The following TMEM178B variants were observed in gnomAD, a reference collection of about 807,000 sequenced individuals.
The protein encoded by TMEM178B is transmembrane protein 178B.
In TMEM178B, 5 loss-of-function variants were observed where a neutral mutation model predicts 31.0. The ratio of observed to expected loss-of-function variants is 0.16; its 90% CI spans 0.08 to 0.34. The LOEUF is 0.34. TMEM178B is among the 10% of genes least tolerant of loss of function. The pLI, the probability that TMEM178B is intolerant of heterozygous loss-of-function variation, is 1.00. For synonymous variants in TMEM178B, 164 were observed against 164.0 expected (o/e 1.00, Z 0.00); for missense variants, 275 against 400.3 (o/e 0.69, Z 2.67).
intron 2 of TMEM178B, among the ~76,000 whole-genome samples, chr7:141,301,553 A>C (rs1215189498): frequency 6.6e-6 from 1 of 152,184 alleles, no homozygotes; most frequent in African/African-American, 2.4e-5. Flanking sequence ...TGATGGAAAG[A>C]AAGCCAAATG....
At chr7:141,325,065 C>T (rs1799165661) in intron 2 of TMEM178B, among the ~76,000 whole-genome samples, 1 of 152,104 alleles carries the variant, frequency 6.6e-6, no homozygotes, top group Non-Finnish European at 1.5e-5. Flanking sequence ...TACTCCCATG[C>T]TCTTAGTGAT....
chr7:141,075,834 G>C (rs937585290), intron 1 of TMEM178B, among the ~76,000 whole-genome samples: 9 of 152,204 alleles, frequency 5.9e-5, no homozygotes, highest in East Asian at 5.8e-4. Flanking sequence ...TGTGAGGTTT[G>C]CTGCTGTATT....
chr7:141,483,988 G>C (rs147780801), downstream of TMEM178B, among the ~76,000 whole-genome samples: 1 of 152,010 alleles, frequency 6.6e-6, no homozygotes, highest in Non-Finnish European at 1.5e-5. Flanking sequence ...CACACGTCTC[G>C]GCCTCCCAAA....
intron 2 of TMEM178B, among the ~76,000 whole-genome samples, chr7:141,253,978 A>G (rs1250422978): frequency 6.6e-6 from 1 of 152,178 alleles, no homozygotes; most frequent in Non-Finnish European, 1.5e-5. Context: ...TTGGCAAAGG[A>G]AAATGTGCCT....
intron 1 of TMEM178B, among the ~76,000 whole-genome samples, chr7:141,136,546 AG>A (rs1795678024): frequency 6.6e-6 from 1 of 152,246 alleles, no homozygotes; most frequent in African/African-American, 2.4e-5. Context: ...TAAACTAAAA[AG>A]CTTCTGCATG....
intron 2 of TMEM178B, among the ~76,000 whole-genome samples, chr7:141,245,059 C>T (rs1329441911): frequency 6.7e-6 from 1 of 150,164 alleles, no homozygotes; most frequent in Admixed American, 6.6e-5. Context: ...ATTGCTTGAA[C>T]CTGGGAGGCA....
intron 1 of TMEM178B, among the ~76,000 whole-genome samples, chr7:141,195,241 G>A (rs908441018): frequency 2.0e-5 from 3 of 152,150 alleles, no homozygotes; most frequent in African/African-American, 4.8e-5. Context: ...CGCATAGTTA[G>A]GCTGCAAATT....
chr7:141,269,819 C>A (rs546072651), intron 2 of TMEM178B, among the ~76,000 whole-genome samples: 5 of 152,302 alleles, frequency 3.3e-5, no homozygotes, highest in Admixed American at 2.6e-4. Flanking sequence ...AATCCCAGCA[C>A]TTTGGGAGGC....
At chr7:141,103,784 A>G (rs1238895044) in intron 1 of TMEM178B, among the ~76,000 whole-genome samples, 1 of 152,232 alleles carries the variant, frequency 6.6e-6, no homozygotes, top group African/African-American at 2.4e-5. Flanking sequence ...TATTTAAAAC[A>G]CTATTGCTGA....
chr7:141,419,209 C>T (rs1801156342), intron 2 of TMEM178B, among the ~76,000 whole-genome samples: 1 of 152,064 alleles, frequency 6.6e-6, no homozygotes, highest in South Asian at 2.1e-4. Context: ...CGCGGCTGGC[C>T]CCGTCCTTGC....
At chr7:141,383,051 G>A (rs1243423871) in intron 2 of TMEM178B, among the ~76,000 whole-genome samples, 2 of 152,066 alleles carry the variant, frequency 1.3e-5, no homozygotes, top group African/African-American at 4.8e-5. Context: ...CAAAGCTTTG[G>A]GCCAGGGTAG....
chr7:141,364,314 C>A (rs1799966710), intron 2 of TMEM178B, among the ~76,000 whole-genome samples: 1 of 152,146 alleles, frequency 6.6e-6, no homozygotes, highest in Non-Finnish European at 1.5e-5. Context: ...GCTATACTCC[C>A]TTTCAAAGAA....
chr7:141,296,529 G>C (rs545554344), intron 2 of TMEM178B, among the ~76,000 whole-genome samples: 1 of 152,316 alleles, frequency 6.6e-6, no homozygotes, highest in East Asian at 1.9e-4. Flanking sequence ...GAAAGCCCTG[G>C]TCTAGAGGGA....
chr7:141,307,954 G>A (rs1030205666), intron 2 of TMEM178B, among the ~76,000 whole-genome samples: 5 of 152,232 alleles, frequency 3.3e-5, no homozygotes, highest in African/African-American at 4.8e-5. Context: ...GAATACAAGT[G>A]TAGGGCTTGT....
intron 2 of TMEM178B, among the ~76,000 whole-genome samples, chr7:141,219,398 C>T (rs536556935): frequency 6.6e-6 from 1 of 152,360 alleles, no homozygotes; most frequent in African/African-American, 2.4e-5. Context: ...CCCACATTCG[C>T]ATCGGTGCTC....
At chr7:141,203,016 C>G (rs1480074570) in intron 1 of TMEM178B, among the ~76,000 whole-genome samples, 2 of 152,148 alleles carry the variant, frequency 1.3e-5, no homozygotes, top group Non-Finnish European at 2.9e-5. Flanking sequence ...CTTTAAGCCC[C>G]TAGACTCCTG....
intron 2 of TMEM178B, among the ~76,000 whole-genome samples, chr7:141,435,143 TC>T (rs34891380): frequency 0.12 from 18,045 of 152,146 alleles, 1,323 homozygotes; most frequent in East Asian, 0.31. Flanking sequence ...GACATCCTCT[TC>T]AGTAAATGGT....
chr7:141,232,245 A>C (rs1025159588), intron 2 of TMEM178B, among the ~76,000 whole-genome samples: 5 of 152,136 alleles, frequency 3.3e-5, no homozygotes, highest in Non-Finnish European at 5.9e-5. Flanking sequence ...TGTCTTTGCT[A>C]TTGTGAATAG....
rs73737736 is a variant in TMEM178B, at chr7:141,287,408, G to C, written c.496+74704G>C. ...ATTTGTAGTGACTTGGTGGATTTTT[G>C]GTGTCCCTTTAATCAACCCTCAACC... On this transcript the variant is annotated intron_variant, in intron 2 of 3. Coordinates refer to ENST00000565468, the MANE Select transcript of TMEM178B (RefSeq NM_001195278.2). 2.4e-3 allele frequency among the ~76,000 whole-genome samples: 362 copies of C among 151,788 alleles called. 2 individuals are homozygous for C. Among genetic ancestry groups the C allele is most frequent in the African/African-American group, 8.2e-3 (339 of 41,358 alleles).
Sources: allele counts gnomAD v4.1 joint callset (sites outside exome capture counted in the v4.1 genomes callset), GRCh38; gene constraint gnomAD v4.1.1; transcripts MANE v1.5; gene names NCBI Gene and HGNC (gene_info 2026-07-23, HGNC 2026-07-21).